Variants in SLC30A9 observed in about 807,000 individuals in gnomAD.
SLC30A9 encodes solute carrier family 30 member 9, also known as proton-coupled zinc antiporter SLC30A9, mitochondrial.
In SLC30A9, 58 loss-of-function variants were observed where a neutral mutation model predicts 87.5. The ratio of observed to expected loss-of-function variants is 0.66; its 90% confidence interval spans 0.54 to 0.82. The LOEUF is 0.82. Among genes scored for constraint, SLC30A9 ranks in the 40% least tolerant of loss-of-function variants. SLC30A9 has a pLI of 0.00. For missense variants in SLC30A9, 557 were observed against 679.1 expected, an observed-to-expected ratio of 0.82 and a Z score of 2.00; for synonymous variants, 234 against 233.0, an observed-to-expected ratio of 1.00 and a Z score of -0.04.
chr4:42,080,398 G>T (rs1344794343), intron 17 of SLC30A9, among the ~76,000 whole-genome samples: 1 of 152,208 alleles, frequency 6.6e-6, no homozygotes, highest in Non-Finnish European at 1.5e-5. Context: ...GGCAGAAGAA[G>T]TGCATAGGGC....
intron 15 of SLC30A9, among the ~76,000 whole-genome samples, chr4:42,071,495 G>A (rs1479306409): frequency 6.6e-6 from 1 of 151,908 alleles, no homozygotes; most frequent in Admixed American, 6.6e-5. Flanking sequence ...CTATCTTATT[G>A]GAACAAGATT....
intron 9 of SLC30A9, among the ~76,000 whole-genome samples, chr4:42,057,900 G>A (rs1463051737): frequency 3.3e-5 from 5 of 151,758 alleles, no homozygotes; most frequent in Admixed American, 2.0e-4. Context: ...TGAAGAAATC[G>A]AGACCATCCT....
intron 6 of SLC30A9, among the ~76,000 whole-genome samples, chr4:42,030,933 C>G (rs989826632): frequency 6.6e-6 from 1 of 152,026 alleles, no homozygotes; most frequent in African/African-American, 2.4e-5. Flanking sequence ...TTTTACTTTC[C>G]TTTTTTCCTT....
At chr4:42,029,665 T>A (rs1359229458) in intron 6 of SLC30A9, 1 of 752,980 alleles carries the variant, frequency 1.3e-6, no homozygotes, top group Non-Finnish European at 2.4e-6. Flanking sequence ...GTCTGCAGAT[T>A]CAAGCTTGAG....
chr4:42,079,734 A>C (rs923032987), intron 17 of SLC30A9, among the ~76,000 whole-genome samples: 2 of 151,876 alleles, frequency 1.3e-5, no homozygotes, highest in African/African-American at 4.8e-5. Context: ...CAGCCTCCCA[A>C]GTAGCTGGGA....
chr4:42,066,991 T>C, intron 13 of SLC30A9, 94 bp from the exon 14 acceptor site: 1 of 751,328 alleles, frequency 1.3e-6, no homozygotes, highest in Non-Finnish European at 2.3e-6. Context: ...AACTTATATC[T>C]TGATTTTAAA....
Position 42,001,649 on chromosome 4 carries a change from C to A in SLC30A9, c.143C>A (p.Ser48Ter), listed in dbSNP as rs751753033. 3 of 1,598,724 alleles carry A rather than the reference C, an allele frequency of 1.9e-6. No individual in the cohort carries two copies. The highest frequency in any genetic ancestry group is 2.6e-6 in the Non-Finnish European group (3 of 1,170,640). ...WQNLVTFGSF[S>*]NMVPCSHPYI... ...AATTTAGTGACATTTGGAAGCTTTT[C>A]AAACATGGTTCCCTGTAGTCATCCA... Residue 48 changes from serine (S) to a stop codon, truncating the protein, a stop_gained, in exon 2 of 18, where the codon TCA becomes TAA. Transcript: ENST00000264451. LOFTEE classifies it high-confidence loss of function.
intron 11 of SLC30A9, 129 bp from the exon 12 acceptor site, chr4:42,065,181 C>G: frequency 1.6e-6 from 1 of 636,296 alleles, no homozygotes; most frequent in Non-Finnish European, 2.9e-6. Flanking sequence ...AGTTGTTTCC[C>G]ATTAGTAACC....
chr4:42,061,578 G>A (rs1234807152), intron 10 of SLC30A9, among the ~76,000 whole-genome samples: 1 of 152,230 alleles, frequency 6.6e-6, no homozygotes, highest in South Asian at 2.1e-4. Context: ...TTGCAAAAAG[G>A]AATTCCAAGA....
At chr4:42,014,827 CACTT>C (rs1448479358) in intron 2 of SLC30A9, among the ~76,000 whole-genome samples, 3 of 152,262 alleles carry the variant, frequency 2.0e-5, no homozygotes, top group Non-Finnish European at 2.9e-5. Flanking sequence ...AGCACGTTCT[CACTT>C]ATTTATGGAG....
intron 6 of SLC30A9, among the ~76,000 whole-genome samples, chr4:42,034,586 G>T (rs1716601370): frequency 6.6e-6 from 1 of 152,150 alleles, no homozygotes. Flanking sequence ...TATCCATGTT[G>T]TTGCATGTGA....
In SLC30A9 at chr4:42,063,104, A is replaced by G. The variant is rs767158132; in HGVS notation, c.1015A>G (p.Ile339Val). The change falls in exon 11 of 18, where the codon ATA becomes GTA. Residue 339 changes from isoleucine (I) to valine (V), a missense_variant. This residue lies in a region of SLC30A9 where 467 missense variants were observed against 529.8 expected (regional missense o/e 0.88). Coordinates refer to ENST00000264451, the MANE Select transcript of SLC30A9 (RefSeq NM_006345.4). ...GVMGLLHPQP[I>V]ESLLWAYCIL... ...CATGGGATTGCTTCATCCTCAACCA[A>G]TAGAATCCCTTCTATGGGTAATCCT... 8 of 1,613,832 alleles carry G rather than the reference A, an allele frequency of 5.0e-6. No homozygotes were observed. The highest frequency in any genetic ancestry group is 2.2e-5 in the East Asian group (1 of 44,844).
chr4:42,088,525 C>T lies in SLC30A9; in HGVS notation c.*2399C>T, dbSNP rs1350905981. 2 of 152,316 alleles carry T rather than the reference C, an allele frequency of 1.3e-5. No homozygotes were observed. The highest frequency in any genetic ancestry group is 2.4e-5 in the African/African-American group (1 of 41,438). 9.4% of individuals were successfully genotyped at this position (152,316 alleles called of 1,614,324 possible). On this transcript the variant is annotated 3_prime_UTR_variant, in exon 18 of 18. Coordinates refer to ENST00000264451, the MANE Select transcript of SLC30A9 (RefSeq NM_006345.4). ...GCAGACTGAACAGGAAACATAGCAG[C>T]TTCTGCTTCTGGGGAGGCCTCGGGA...
At chr4:42,066,514 G>A (rs748036091) in intron 12 of SLC30A9, 36 bp from the exon 13 acceptor site, 31 of 1,426,920 alleles carry the variant, frequency 2.2e-5, no homozygotes, top group Non-Finnish European at 2.8e-5. Flanking sequence ...GAGGCATGAA[G>A]TTTCTGTCTT....
chr4:42,010,385 G>A (rs1715387418), intron 2 of SLC30A9, among the ~76,000 whole-genome samples: 1 of 152,086 alleles, frequency 6.6e-6, no homozygotes, highest in African/African-American at 2.4e-5. Flanking sequence ...GCCGAGACGG[G>A]AGGATCACTT....
chr4:42,033,789 A>C (rs4416511), intron 6 of SLC30A9, among the ~76,000 whole-genome samples: 7 of 152,002 alleles, frequency 4.6e-5, no homozygotes, highest in Non-Finnish European at 5.9e-5. Flanking sequence ...GTTAGCCAGG[A>C]TGGTCTCGAT....
chr4:42,014,652 C>A (rs1715625285), intron 2 of SLC30A9, among the ~76,000 whole-genome samples: 1 of 151,730 alleles, frequency 6.6e-6, no homozygotes, highest in Admixed American at 6.6e-5. Context: ...TGGAAGCAAG[C>A]TAAGTGTCCA....
Position 42,020,502 on chromosome 4 carries a change from T to A in SLC30A9, c.421T>A (p.Cys141Ser). 1.3e-6 allele frequency: 2 copies of A among 1,585,646 alleles called. No homozygotes were observed. The highest frequency in any genetic ancestry group is 1.7e-6 in the Non-Finnish European group (2 of 1,157,932). ...ITGVRAINEF[C>S]LKSSDLEQLR... ...TGGAGTCAGAGCGATAAATGAGTTCTGCCTCAAATCCAGGTAATTTTTTTA... is the reference window on the plus strand; with the variant it reads ...TGGAGTCAGAGCGATAAATGAGTTCAGCCTCAAATCCAGGTAATTTTTTTA... Residue 141 changes from cysteine to serine, a missense_variant, in exon 4 of 18, where the codon TGC (cysteine) becomes AGC (serine). Transcript: ENST00000264451.
At chr4:42,074,296 A>AG (rs1207601393) in intron 15 of SLC30A9, among the ~76,000 whole-genome samples, 1 of 152,216 alleles carries the variant, frequency 6.6e-6, no homozygotes, top group Non-Finnish European at 1.5e-5. Flanking sequence ...CTCAGAAATT[A>AG]GGGTCTAATG....
Sources: gnomAD v4.1 joint callset for allele counts (sites outside exome capture counted in the v4.1 genomes callset) on GRCh38, gnomAD v4.1.1 for gene constraint, gnomAD v4.1.1 regional missense constraint, MANE v1.5 for transcripts, NCBI Gene and HGNC (gene_info 2026-07-23, HGNC 2026-07-21) for gene names.